The following FAM234A variants were observed in gnomAD, a reference collection of about 807,000 sequenced individuals.
FAM234A encodes protein FAM234A.
Under a neutral mutation model 49.1 loss-of-function variants are expected in FAM234A, and 42 were observed. The ratio of observed to expected loss-of-function variants is 0.86; its 90% CI spans 0.67 to 1.11. The LOEUF (loss-of-function observed/expected upper bound fraction) is 1.11. Ranked by LOEUF, FAM234A falls within the 50% of genes least tolerant of loss-of-function variation. FAM234A has a pLI of 0.00. For synonymous variants in FAM234A, 369 were observed against 316.2 expected, an observed-to-expected ratio of 1.17 and a Z score of -1.77; for missense variants, 815 against 745.2, an observed-to-expected ratio of 1.09 and a Z score of -1.09.
At position 260,073 on chromosome 16, in the gene FAM234A, G is replaced by A. The variant is rs758684622; in HGVS notation, c.490G>A (p.Val164Met). Residue 164 changes from valine (V) to methionine (M), a missense_variant, in exon 5 of 13, where the codon GTG becomes ATG. By Grantham distance (21) the Val-to-Met change is conservative. Transcript: ENST00000399932. The part of the protein sequence containing the change: ...AQDVALVECA[V>M]PQPRGSEAPS... The stretch of plus-strand genomic sequence containing the variant: ...AGACGTGGCCCTCGTGGAGTGTGCT[G>A]TGCCCCAGCCAAGAGGCAGTGAGGC... The A allele has an allele frequency of 6.2e-6, 10 of 1,613,838 alleles. No individual in the cohort carries two copies. Among genetic ancestry groups the A allele is most frequent in the Admixed American group, 1.7e-5 (1 of 60,030 alleles).
intron 8 of FAM234A, 130 bp downstream of exon 8, chr16:262,683 G>C: frequency 1.1e-6 from 1 of 872,960 alleles, no homozygotes; most frequent in Non-Finnish European, 1.6e-6. Context: ...TCGGGGTACC[G>C]CAAGGTCACC....
At chr16:268,689 G>A (rs779051131), downstream of FAM234A, 29 of 1,413,762 alleles carry the variant, frequency 2.1e-5, no homozygotes, top group East Asian at 1.0e-4. Flanking sequence ...TCTGGAACGC[G>A]TTTGGCGAGG....
At chr16:236,186 C>G (rs1661742802) in intron 1 of FAM234A, among the ~76,000 whole-genome samples, 1 of 150,866 alleles carries the variant, frequency 6.6e-6, no homozygotes. Context: ...AAACTCCTGA[C>G]CTCAGGTGAT....
Position 264,890 on chromosome 16 carries a change from C to G in FAM234A, c.1527C>G (p.Val509=), listed in dbSNP as rs752794564. 3.7e-6 allele frequency: 6 copies of G among 1,612,854 alleles called. No homozygotes were observed. The highest frequency in any genetic ancestry group is 2.5e-6 in the Non-Finnish European group (3 of 1,179,984). The change falls in exon 13 of 13, where the codon GTC becomes GTG. Residue 509 remains valine, a synonymous_variant. Coordinates refer to ENST00000399932, the MANE Select transcript of FAM234A (RefSeq NM_032039.4). ...CAGACTCAGAGGCACCCGGCCTGGT[C>G]TCTGTGATCAAGCACAAGGTGCGGG... ...GPADSEAPGL[V]SVIKHKVRDL... is the part of the protein sequence containing the mutation.
intron 6 of FAM234A, among the ~76,000 whole-genome samples, chr16:261,811 C>T (rs1339463325): frequency 1.3e-5 from 2 of 152,216 alleles, no homozygotes; most frequent in African/African-American, 4.8e-5. Flanking sequence ...GGCACTGGGG[C>T]TGCCCTGCCT....
chr16:265,475 T>G lies in FAM234A; in HGVS notation c.*453T>G. On this transcript the variant is annotated 3_prime_UTR_variant, in exon 13 of 13. Transcript: ENST00000399932. ...CCCCACCCCATCCTGTAGAAGTCCA[T>G]TCCCCTTTTCCCTCCTGTGCTCTGT... 1.0e-6 allele frequency: 1 copy of G among 993,136 alleles called. No homozygotes were observed. Among genetic ancestry groups the G allele is most frequent in the Non-Finnish European group, 1.2e-6 (1 of 835,108 alleles). 61.5% of individuals were successfully genotyped at this position (993,136 alleles called of 1,614,324 possible).
intron 5 of FAM234A, 131 bp from the exon 6 acceptor site, chr16:261,249 CTGAG>C (rs1356383184): frequency 9.8e-7 from 1 of 1,024,572 alleles, no homozygotes; most frequent in East Asian, 2.4e-5. Context: ...GGCATCTGCT[CTGAG>C]TGTGCAGTGA....
rs187573401 is a variant in FAM234A, at chr16:245,493, C to T, written c.-139-4056C>T. Among the ~76,000 whole-genome samples the T allele has an allele frequency of 2.7e-3, 405 of 152,234 alleles. 2 individuals are homozygous for T. Among genetic ancestry groups the T allele is most frequent in the Non-Finnish European group, 4.0e-3 (269 of 68,018 alleles). On this transcript the variant is annotated intron_variant, in intron 1 of 12. Transcript: ENST00000399932. ...CCAGTTATGAATTCGTTTCCTGTTT[C>T]CCCACTGGGGTCCTTGCCTTTCTTT...
intron 2 of FAM234A, among the ~76,000 whole-genome samples, chr16:251,235 C>T (rs939875496): frequency 1.3e-5 from 2 of 152,156 alleles, no homozygotes; most frequent in East Asian, 1.9e-4. Context: ...GGATCACAGG[C>T]GTGAGCCACT....
rs73486203 is a variant in FAM234A at position 261,507 on chromosome 16, G to A, written c.701G>A (p.Arg234Gln). 2,719 of 1,602,882 alleles carry A rather than the reference G, an allele frequency of 1.7e-3. 38 individuals carry two copies. The African/African-American group carries it at 0.026, about 16-fold the overall frequency. The change falls in exon 6 of 13, where the codon CGG becomes CAG. Residue 234 changes from arginine (R) to glutamine (Q), a missense_variant. Physicochemically the swap from Arg to Gln is conservative, Grantham distance 43. Transcript: ENST00000399932. ...GACCTGCTGGTTCTCACCCAGGAGC[G>A]GGAGGAGGTACATCCCAGCCTGGCT... ...APDLLVLTQE[R>Q]EEVSGHLYSG...
At chr16:267,811 TACAC>T (rs901810718), downstream of FAM234A, among the ~76,000 whole-genome samples, 5 of 143,664 alleles carry the variant, frequency 3.5e-5, no homozygotes, top group East Asian at 4.3e-4. Context: ...ACACGTGCAC[TACAC>T]ACAATCACAC....
chr16:269,789 C>G (rs1448693049), downstream of FAM234A: 5 of 542,360 alleles, frequency 9.2e-6, no homozygotes, highest in South Asian at 5.1e-5. Flanking sequence ...TGGGCCATGT[C>G]GCAGCAAAAA....
intron 2 of FAM234A, among the ~76,000 whole-genome samples, chr16:252,191 T>C (rs893176304): frequency 6.8e-6 from 1 of 146,302 alleles, no homozygotes; most frequent in Non-Finnish European, 1.5e-5. Flanking sequence ...TTTTGTTTTT[T>C]TTTTTTTTTT....
intron 11 of FAM234A, 145 bp from the exon 12 acceptor site, chr16:264,468 TG>T: frequency 1.4e-6 from 1 of 695,816 alleles, no homozygotes; most frequent in Non-Finnish European, 2.4e-6. Context: ...ACCTGGGAGG[TG>T]GCCACAGAAC....
chr16:259,074 C>T (rs2051352814), intron 3 of FAM234A, among the ~76,000 whole-genome samples: 1 of 152,178 alleles, frequency 6.6e-6, no homozygotes, highest in Admixed American at 6.6e-5. Context: ...AGGCACCTTG[C>T]CCGGCCAACT....
chr16:246,767 TTTTG>T (rs755351644), intron 1 of FAM234A, among the ~76,000 whole-genome samples: 1 of 146,230 alleles, frequency 6.8e-6, no homozygotes. Flanking sequence ...TTTTGTTTTG[TTTTG>T]TTTTTGTTTT....
chr16:261,303 C>T, intron 5 of FAM234A, 81 bp from the exon 6 acceptor site: 2 of 1,517,458 alleles, frequency 1.3e-6, no homozygotes, highest in Non-Finnish European at 1.8e-6. Flanking sequence ...CAGGAGCCTG[C>T]CTGTCACAGG....
rs1321679742 is a variant in FAM234A, at chr16:249,569, GCA to G, written c.-116_-115del. ...CCTAGGTCCACCTGGGCTTGCGAAG[GCA>G]CAGATTCCCCGTCCACAGCTCACGA... On this transcript the variant is annotated 5_prime_UTR_variant, in exon 2 of 13. Transcript: ENST00000399932. The G allele has an allele frequency of 5.3e-5, 8 of 152,072 alleles. No homozygotes were observed. The highest frequency in any genetic ancestry group is 1.5e-5 in the Non-Finnish European group (1 of 68,088). The allele number at this position is 152,072 out of a possible 1,614,324, so 9.4% of individuals were successfully genotyped here. A position where few individuals can be genotyped will look rare whatever the true frequency, so the allele number is the denominator to read the frequency against.
chr16:268,366 A>T (rs566740941), downstream of FAM234A: 222 of 295,552 alleles, frequency 7.5e-4, 1 homozygote, highest in African/African-American at 4.6e-3. Flanking sequence ...GTTGGGAGTG[A>T]CTGGATGTGA....
Sources: gnomAD v4.1 joint callset for allele counts (sites outside exome capture counted in the v4.1 genomes callset) on GRCh38, gnomAD v4.1.1 for gene constraint, MANE v1.5 for transcripts, NCBI Gene and HGNC (gene_info 2026-07-23, HGNC 2026-07-21) for gene names.